Variants in GRIN2C observed in about 807,000 individuals in gnomAD.
GRIN2C encodes glutamate receptor ionotropic, NMDA 2C.
GRIN2C carries 64 observed loss-of-function variants against 77.7 expected under a neutral mutation model. The observed-to-expected ratio is 0.82, with a 90% CI of 0.67 to 1.01. The LOEUF is 1.01. Ranked by LOEUF, GRIN2C falls within the 50% of genes least tolerant of loss-of-function variation. The pLI, the probability that GRIN2C is intolerant of heterozygous loss-of-function variation, is 0.00. For synonymous variants in GRIN2C, 792 were observed against 643.4 expected (o/e 1.23, Z -3.49); for missense variants, 1,549 against 1,486.0 (o/e 1.04, Z -0.70).
rs1403302586 is a variant in GRIN2C at position 74,842,560 on chromosome 17, C to G, written c.3577G>C (p.Gly1193Arg). The change falls in exon 13 of 13, where the codon GGG becomes CGG. Residue 1193 changes from glycine to arginine, a missense_variant. This residue lies in a region of GRIN2C where 450 missense variants were observed against 267.9 expected (regional missense o/e 1.68). Transcript: ENST00000293190. Reference sequence around the variant, plus strand: ...CTGTCTCTGTAGCCTGTGCCCAGCCCCAGAGTCCTGCCCCTGTGCCCCAGA... The same window carrying G: ...CTGTCTCTGTAGCCTGTGCCCAGCCGCAGAGTCCTGCCCCTGTGCCCCAGA... ...GPLGHRGRTL[G>R]LGTGYRDSGG... 3 of 774,134 alleles carry G rather than the reference C, an allele frequency of 3.9e-6. No homozygotes were observed. In the African/African-American group the frequency reaches 5.3e-5, roughly 14 times the overall value. The allele number at this position is 774,134 out of a possible 1,614,324, so 48.0% of individuals were successfully genotyped here. A position where few individuals can be genotyped will look rare whatever the true frequency, so the allele number is the denominator to read the frequency against.
chr17:74,844,350 G>A lies in GRIN2C; in HGVS notation c.2509C>T (p.His837Tyr), dbSNP rs2037392332. ...GLALLVFAWEHLVYWKLRHSV... is the reference protein window; with the variant it reads ...GLALLVFAWEYLVYWKLRHSV... Reference sequence around the variant, plus strand: ...TGGCGCAGCTTCCAGTAGACCAGGTGCTCCCAGGCGAAGACCAGCAGGGCC... The same window carrying A: ...TGGCGCAGCTTCCAGTAGACCAGGTACTCCCAGGCGAAGACCAGCAGGGCC... Residue 837 changes from histidine to tyrosine, a missense_variant, in exon 12 of 13, where the codon CAC becomes TAC. His to Tyr is a moderately conservative substitution (Grantham distance 83). Coordinates refer to ENST00000293190, the MANE Select transcript of GRIN2C (RefSeq NM_000835.6). 6.2e-7 allele frequency: 1 copy of A among 1,614,094 alleles called. No individual in the cohort carries two copies. The highest frequency in any genetic ancestry group is 1.3e-5 in the African/African-American group (1 of 74,992).
chr17:74,854,339 C>G (rs1303534230), intron 2 of GRIN2C: 1 of 235,984 alleles, frequency 4.2e-6, no homozygotes, highest in Non-Finnish European at 8.2e-6. Context: ...CTACCACTGC[C>G]CAGAGGGCAT....
intron 1 of GRIN2C, 37 bp from the exon 2 acceptor site, chr17:74,855,144 A>G: frequency 6.8e-7 from 1 of 1,472,910 alleles, no homozygotes; most frequent in Non-Finnish European, 9.0e-7. Context: ...GGAGAGAGAC[A>G]GAGGTTTGGA....
chr17:74,852,721 G>A, intron 2 of GRIN2C, 110 bp from the exon 3 acceptor site: 1 of 520,786 alleles, frequency 1.9e-6, no homozygotes, highest in African/African-American at 2.0e-5. Flanking sequence ...GCCGGCGGAT[G>A]CTCCGCATTC....
chr17:74,857,391 TC>T (rs765922365), intron 1 of GRIN2C, among the ~76,000 whole-genome samples: 1 of 152,212 alleles, frequency 6.6e-6, no homozygotes, highest in Non-Finnish European at 1.5e-5. Flanking sequence ...AATATTGCTC[TC>T]ATGGTGGCGC....
chr17:74,845,545 T>C (rs189250327), intron 11 of GRIN2C, among the ~76,000 whole-genome samples: 24 of 152,212 alleles, frequency 1.6e-4, no homozygotes, highest in Admixed American at 3.3e-4. Flanking sequence ...GCTGGGGTTA[T>C]AGCCATGAGC....
chr17:74,860,113 G>A (rs2144629199), upstream of GRIN2C, among the ~76,000 whole-genome samples: 1 of 152,088 alleles, frequency 6.6e-6, no homozygotes, highest in Admixed American at 6.5e-5. Flanking sequence ...TCCCAGGCCC[G>A]CCCGGGGGCC....
chr17:74,849,911 A>G lies in GRIN2C; in HGVS notation c.1514T>C (p.Met505Thr), dbSNP rs1236617520. 7.4e-6 allele frequency: 12 copies of G among 1,613,344 alleles called. No individual in the cohort carries two copies. Among genetic ancestry groups the G allele is most frequent in the Non-Finnish European group, 1.0e-5 (12 of 1,179,802 alleles). ...ATTGATGGTGAGGGAGCCGATGGCC[A>G]TGTCTGCCCGCTTGTAGTACACCTG... ...IGEVYYKRADMAIGSLTINEE... is the reference protein window; with the variant it reads ...IGEVYYKRADTAIGSLTINEE... The change falls in exon 7 of 13, where the codon ATG becomes ACG. Residue 505 changes from methionine (M) to threonine (T), a missense_variant. By Grantham distance (81) the Met-to-Thr change is moderately conservative (BLOSUM62 -1). Coordinates refer to ENST00000293190, the MANE Select transcript of GRIN2C (RefSeq NM_000835.6). The surrounding 1 kb of genome is among the most constrained non-coding windows in gnomAD (Gnocchi z 4.6).
chr17:74,855,605 G>A (rs2037798454), intron 1 of GRIN2C, among the ~76,000 whole-genome samples: 1 of 152,242 alleles, frequency 6.6e-6, no homozygotes, highest in Admixed American at 6.5e-5. Context: ...TGAGCTAACA[G>A]GCTATTTGCT....
chr17:74,861,326 G>C (rs894813617), upstream of GRIN2C: 3 of 152,198 alleles, frequency 2.0e-5, no homozygotes, highest in African/African-American at 7.2e-5. Flanking sequence ...AACCCCCCGG[G>C]TGTCCCGCCT....
At chr17:74,861,201 G>T (rs1444194649), upstream of GRIN2C, among the ~76,000 whole-genome samples, 2 of 152,138 alleles carry the variant, frequency 1.3e-5, no homozygotes, top group African/African-American at 4.8e-5. Flanking sequence ...CTGTCTGCTC[G>T]GCCTCTTCTT....
At chr17:74,860,716 G>C, upstream of GRIN2C, 1 of 351,946 alleles carries the variant, frequency 2.8e-6, no homozygotes, top group Non-Finnish European at 5.6e-6. Context: ...AGCCGGGCAC[G>C]GGCCAGCATC....
intron 4 of GRIN2C, chr17:74,851,015 CTT>C (rs1477284175): frequency 5.2e-6 from 3 of 572,678 alleles, no homozygotes; most frequent in East Asian, 2.9e-5. Flanking sequence ...TCCCCCCTGA[CTT>C]TGACAGAACG....
At chr17:74,854,363 T>G in intron 2 of GRIN2C, 1 of 269,534 alleles carries the variant, frequency 3.7e-6, no homozygotes, top group Non-Finnish European at 7.0e-6. Flanking sequence ...ACCACCTCCA[T>G]GCCCGGCTGG....
Position 74,851,622 on chromosome 17 carries a change from G to T in GRIN2C, c.1068C>A (p.Pro356=). 6.4e-7 allele frequency: 1 copy of T among 1,570,644 alleles called. No individual in the cohort carries two copies. Among genetic ancestry groups the T allele is most frequent in the East Asian group, 2.3e-5 (1 of 42,788 alleles). The change falls in exon 4 of 13, where the codon CCC becomes CCA. Residue 356 remains proline, a synonymous_variant. Coordinates refer to ENST00000293190, the MANE Select transcript of GRIN2C (RefSeq NM_000835.6). ...SFSPGGYLVQ[P]TMVVIALNRH... ...GGTTGAGGGCGATCACCACCATGGT[G>T]GGCTGGACCAGGTACCCACCAGGGC...
Position 74,842,918 on chromosome 17 carries a change from C to T in GRIN2C, c.3219G>A (p.Arg1073=), listed in dbSNP as rs1386613154. Residue 1073 remains arginine, a synonymous_variant, in exon 13 of 13, where the codon CGG becomes CGA. Transcript: ENST00000293190. The stretch of plus-strand genomic sequence containing the variant: ...GGGAAGCGTGACGCGGGCGCGAGCC[C>T]CGGGCCCAGGCCGCGTGCAGCAGGG... The part of the protein sequence containing the change: ...REALLHAAWA[R]GSRPRHASLP... The T allele has an allele frequency of 1.7e-6, 1 of 572,292 alleles. No homozygotes were observed. Among genetic ancestry groups the T allele is most frequent in the Non-Finnish European group, 3.1e-6 (1 of 325,598 alleles). The allele number at this position is 572,292 out of a possible 1,614,324, so 35.5% of individuals were successfully genotyped here.
chr17:74,851,440 T>G, intron 4 of GRIN2C, 137 bp downstream of exon 4: 1 of 609,806 alleles, frequency 1.6e-6, no homozygotes, highest in Non-Finnish European at 3.0e-6. Context: ...GTGGAGGAGA[T>G]GTTTGTTTCA....
At chr17:74,857,595 C>T (rs1396539638) in intron 1 of GRIN2C, among the ~76,000 whole-genome samples, 2 of 152,186 alleles carry the variant, frequency 1.3e-5, no homozygotes, top group East Asian at 1.9e-4. Flanking sequence ...ACATGCTTGT[C>T]GCTCCCCTTG....
Position 74,843,651 on chromosome 17 carries a change from AT to A in GRIN2C, c.2584-99del, listed in dbSNP as rs1181131744. ...GGTCCCAAGGCATCATCAGTCTTCT[AT>A]AAGTCTCAGGAAGTAGCTAACTGTG... On this transcript the variant is annotated intron_variant, in intron 12 of 12. Coordinates refer to ENST00000293190, the MANE Select transcript of GRIN2C (RefSeq NM_000835.6). The A allele has an allele frequency of 4.8e-6, 7 of 1,450,668 alleles. No individual in the cohort carries two copies. The East Asian group carries it at 1.3e-4, about 26-fold the overall frequency. 89.9% of individuals were successfully genotyped at this position (1,450,668 alleles called of 1,614,324 possible).
Sources: gnomAD v4.1 joint callset for allele counts (sites outside exome capture counted in the v4.1 genomes callset) on GRCh38, gnomAD v4.1.1 for gene constraint, gnomAD v4.1.1 regional missense constraint, Gnocchi (gnomAD v3.1) non-coding constraint, MANE v1.5 for transcripts, NCBI Gene and HGNC (gene_info 2026-07-23, HGNC 2026-07-21) for gene names.